The following TBC1D19 variants were observed in gnomAD, a reference collection of about 807,000 sequenced individuals.
The protein encoded by TBC1D19 is TBC1 domain family member 19, also known as TBC1 domain family, member 19.
Under a neutral mutation model 89.0 loss-of-function variants are expected in TBC1D19, and 60 were observed. The observed-to-expected ratio is 0.67, with a 90% CI of 0.55 to 0.84. The LOEUF (loss-of-function observed/expected upper bound fraction) is 0.84. Ranked by LOEUF, TBC1D19 falls within the 40% of genes least tolerant of loss-of-function variation. TBC1D19 has a pLI of 0.00. For missense variants in TBC1D19, 500 were observed against 610.8 expected, an observed-to-expected ratio of 0.82 and a Z score of 1.91; for synonymous variants, 189 against 199.7, an observed-to-expected ratio of 0.95 and a Z score of 0.45.
At chr4:26,718,601 C>T (rs537010726) in intron 14 of TBC1D19, among the ~76,000 whole-genome samples, 2 of 152,180 alleles carry the variant, frequency 1.3e-5, no homozygotes, top group East Asian at 3.9e-4. Context: ...TATGGTCATT[C>T]TGCCATTTCC....
chr4:26,577,141 G>A (rs1354023567), intron 1 of TBC1D19, among the ~76,000 whole-genome samples: 1 of 152,144 alleles, frequency 6.6e-6, no homozygotes, highest in Non-Finnish European at 1.5e-5. Context: ...CTGCTGGTCT[G>A]TCCTATGGAT....
intron 4 of TBC1D19, among the ~76,000 whole-genome samples, chr4:26,626,800 G>C (rs1305131562): frequency 6.7e-6 from 1 of 150,182 alleles, no homozygotes; most frequent in African/African-American, 2.4e-5. Context: ...CCAATACCTT[G>C]AGGATAGAGC....
chr4:26,736,746 CATG>C (rs1718072876), intron 16 of TBC1D19, among the ~76,000 whole-genome samples: 1 of 152,148 alleles, frequency 6.6e-6, no homozygotes, highest in Non-Finnish European at 1.5e-5. Flanking sequence ...AGTTTGAGCT[CATG>C]ATTTCTCCAG....
the TBC1D19 span, among the ~76,000 whole-genome samples, chr4:26,842,713 G>A: frequency 1.7e-4 from 25 of 147,898 alleles, 1 homozygote; most frequent in African/African-American, 6.0e-4. Context: ...TGTTGCCCCC[G>A]GCTGGTCTTG....
chr4:26,627,832 A>C (rs1742530235), intron 4 of TBC1D19, among the ~76,000 whole-genome samples: 1 of 151,690 alleles, frequency 6.6e-6, no homozygotes, highest in African/African-American at 2.4e-5. Flanking sequence ...CCCATTTTGT[A>C]GGTTGCCTGT....
At chr4:26,823,059 A>G in the TBC1D19 span, among the ~76,000 whole-genome samples, 1 of 152,222 alleles carries the variant, frequency 6.6e-6, no homozygotes, top group East Asian at 1.9e-4. Context: ...GGCAATTTAC[A>G]AAGAAAGAGG....
intron 19 of TBC1D19, 107 bp from the exon 20 acceptor site, chr4:26,753,713 G>C: frequency 8.7e-7 from 1 of 1,150,858 alleles, no homozygotes; most frequent in South Asian, 1.3e-5. Context: ...GTTGTGTAAA[G>C]CACTAGTTCT....
At chr4:26,825,244 G>A in the TBC1D19 span, among the ~76,000 whole-genome samples, 2 of 152,022 alleles carry the variant, frequency 1.3e-5, no homozygotes, top group African/African-American at 4.8e-5. Context: ...GACTACAGGT[G>A]CACACCACCA....
intron 4 of TBC1D19, among the ~76,000 whole-genome samples, chr4:26,630,554 T>C (rs1012965171): frequency 6.6e-6 from 1 of 151,906 alleles, no homozygotes; most frequent in African/African-American, 2.4e-5. Flanking sequence ...CCTCCATGAA[T>C]AGGACCTGAG....
chr4:26,605,193 T>G, intron 1 of TBC1D19, among the ~76,000 whole-genome samples: 1 of 121,668 alleles, frequency 8.2e-6, no homozygotes, highest in African/African-American at 3.1e-5. Context: ...CCTAATGCTA[T>G]CCCTCCCCCC....
At chr4:26,615,809 G>A (rs984882454) in intron 3 of TBC1D19, among the ~76,000 whole-genome samples, 3 of 152,016 alleles carry the variant, frequency 2.0e-5, no homozygotes, top group Non-Finnish European at 1.5e-5. Flanking sequence ...GTCACCAAAG[G>A]AATAGATATT....
At chr4:26,613,799 C>T (rs1205334050) in intron 2 of TBC1D19, among the ~76,000 whole-genome samples, 1 of 152,006 alleles carries the variant, frequency 6.6e-6, no homozygotes, top group Non-Finnish European at 1.5e-5. Context: ...TGACTTTTTT[C>T]CTTGTATGCT....
chr4:26,858,631 AGTGACAC>A, the TBC1D19 span: 1 of 152,290 alleles, frequency 6.6e-6, no homozygotes, highest in Non-Finnish European at 1.5e-5. Context: ...TGTGATGCAC[AGTGACAC>A]GTACCTCTCT....
chr4:26,773,966 C>A, the TBC1D19 span, among the ~76,000 whole-genome samples: 2 of 152,286 alleles, frequency 1.3e-5, no homozygotes, highest in African/African-American at 4.8e-5. Context: ...TCCTCAGGTG[C>A]CTCTGCTAAG....
chr4:26,806,371 T>C, the TBC1D19 span, among the ~76,000 whole-genome samples: 1 of 152,228 alleles, frequency 6.6e-6, no homozygotes, highest in Non-Finnish European at 1.5e-5. Context: ...TAGTACTACA[T>C]ACCTCTAGGG....
At chr4:26,629,998 A>C (rs1742702217) in intron 4 of TBC1D19, among the ~76,000 whole-genome samples, 1 of 151,766 alleles carries the variant, frequency 6.6e-6, no homozygotes, top group South Asian at 2.1e-4. Context: ...GGTTATAATT[A>C]GTTTTTTTGT....
chr4:26,841,003 T>C, the TBC1D19 span, among the ~76,000 whole-genome samples: 1 of 151,958 alleles, frequency 6.6e-6, no homozygotes, highest in African/African-American at 2.4e-5. Flanking sequence ...GGAAGCTGAG[T>C]GCAGGTGTAA....
At chr4:26,637,667 C>T (rs886660024) in intron 5 of TBC1D19, among the ~76,000 whole-genome samples, 2 of 152,040 alleles carry the variant, frequency 1.3e-5, no homozygotes, top group Admixed American at 6.6e-5. Context: ...CCACTGTGCC[C>T]GGCCTATTTA....
At chr4:26,826,168 C>T in the TBC1D19 span, among the ~76,000 whole-genome samples, 15 of 152,132 alleles carry the variant, frequency 9.9e-5, 1 homozygote, top group Admixed American at 5.9e-4. Context: ...TGCCATTGCA[C>T]TCCAGCCTTG....
Sources: allele counts gnomAD v4.1 joint callset (sites outside exome capture counted in the v4.1 genomes callset), GRCh38; gene constraint gnomAD v4.1.1; transcripts MANE v1.5; gene names NCBI Gene and HGNC (gene_info 2026-07-23, HGNC 2026-07-21).